The following SYCP2L variants were observed in gnomAD, a reference collection of about 807,000 sequenced individuals.
SYCP2L encodes synaptonemal complex protein 2-like.
SYCP2L carries 98 observed loss-of-function variants against 125.8 expected under a neutral mutation model. That is an observed-to-expected ratio of 0.78 (90% confidence interval 0.66 to 0.92). SYCP2L has a LOEUF of 0.92. SYCP2L is among the 40% of genes least tolerant of loss of function. The pLI, the probability that SYCP2L is intolerant of heterozygous loss-of-function variation, is 0.00. For synonymous variants in SYCP2L, 317 were observed against 325.4 expected, an observed-to-expected ratio of 0.97 and a Z score of 0.28; for missense variants, 842 against 936.4, an observed-to-expected ratio of 0.90 and a Z score of 1.32.
intron 19 of SYCP2L, among the ~76,000 whole-genome samples, 179 bp downstream of exon 19, chr6:10,930,693 A>G (rs543293577): frequency 6.6e-6 from 1 of 152,380 alleles, no homozygotes; most frequent in East Asian, 1.9e-4. Context: ...ACAGAAGAAC[A>G]TGAAATTAAC....
chr6:10,958,400 A>G (rs1375955375), intron 25 of SYCP2L, among the ~76,000 whole-genome samples: 1 of 152,042 alleles, frequency 6.6e-6, no homozygotes, highest in Non-Finnish European at 1.5e-5. Flanking sequence ...CACACTTTCA[A>G]ACAGCCAGGT....
chr6:10,963,882 C>T (rs952857916), intron 29 of SYCP2L, 39 bp downstream of exon 29: 27 of 1,526,986 alleles, frequency 1.8e-5, no homozygotes, highest in Middle Eastern at 1.7e-4. Flanking sequence ...GGATGTGAAT[C>T]GGGGTCAGGG....
intron 29 of SYCP2L, among the ~76,000 whole-genome samples, chr6:10,971,473 A>AG (rs1781772074): frequency 1.3e-5 from 2 of 150,178 alleles, no homozygotes; most frequent in Non-Finnish European, 3.0e-5. Context: ...AAAAAAAAAA[A>AG]AAGAAAGAAA....
intron 23 of SYCP2L, among the ~76,000 whole-genome samples, chr6:10,943,119 A>G (rs1781252880): frequency 6.6e-6 from 1 of 152,138 alleles, no homozygotes; most frequent in Non-Finnish European, 1.5e-5. Context: ...GGTTTATAAG[A>G]AATGTTCTAA....
intron 7 of SYCP2L, 51 bp from the exon 8 acceptor site, chr6:10,902,824 T>C: frequency 1.2e-6 from 2 of 1,610,882 alleles, no homozygotes; most frequent in Non-Finnish European, 1.7e-6. Flanking sequence ...AGATCGTACA[T>C]AGGTCTCTGT....
At chr6:10,941,638 G>C (rs890019217) in intron 21 of SYCP2L, among the ~76,000 whole-genome samples, 2 of 152,190 alleles carry the variant, frequency 1.3e-5, no homozygotes, top group African/African-American at 4.8e-5. Flanking sequence ...TCATTAAAAA[G>C]TCAGGAAACA....
At chr6:10,913,722 T>C (rs1016161685) in intron 14 of SYCP2L, among the ~76,000 whole-genome samples, 10 of 152,228 alleles carry the variant, frequency 6.6e-5, no homozygotes, top group African/African-American at 2.4e-4. Flanking sequence ...TTTAGTTTAA[T>C]TAAGTCCCAG....
intron 23 of SYCP2L, among the ~76,000 whole-genome samples, chr6:10,946,666 C>T (rs1781318815): frequency 6.6e-6 from 1 of 151,952 alleles, no homozygotes; most frequent in Non-Finnish European, 1.5e-5. Flanking sequence ...TTTTTGTTTT[C>T]TATTCTTCCT....
At chr6:10,937,526 A>G (rs1781121471) in intron 21 of SYCP2L, among the ~76,000 whole-genome samples, 1 of 152,178 alleles carries the variant, frequency 6.6e-6, no homozygotes, top group African/African-American at 2.4e-5. Context: ...AAACTGAAAA[A>G]AGAAGAAACT....
chr6:10,927,199 G>C, intron 16 of SYCP2L, 41 bp from the exon 17 acceptor site: 6 of 1,611,102 alleles, frequency 3.7e-6, no homozygotes, highest in Non-Finnish European at 5.1e-6. Context: ...ATGTCAGCGT[G>C]TGCACGGTTA....
intron 23 of SYCP2L, among the ~76,000 whole-genome samples, chr6:10,953,145 A>G (rs1781441288): frequency 6.6e-6 from 1 of 152,130 alleles, no homozygotes; most frequent in Non-Finnish European, 1.5e-5. Context: ...TATTATTACT[A>G]GTTTAATCCT....
rs377168477 is a variant in SYCP2L, at chr6:10,963,701, A to G, written c.2415-81A>G. The G allele has an allele frequency of 4.4e-6, 6 of 1,373,374 alleles. No homozygotes were observed. The African/African-American group carries it at 5.7e-5, about 13-fold the overall frequency. The allele number at this position is 1,373,374 out of a possible 1,614,324, so 85.1% of individuals were successfully genotyped here. On this transcript the variant is annotated intron_variant, in intron 28 of 29. Coordinates refer to ENST00000283141, the MANE Select transcript of SYCP2L (RefSeq NM_001040274.3). ...TAATGGTCTGTGAAATAACTCTGAT[A>G]TGCAGATGTATCTAGATGTATGTTC... is the stretch of plus-strand genomic sequence containing the variant.
Position 10,912,593 on chromosome 6 carries a change from A to G in SYCP2L, c.919-80A>G, listed in dbSNP as rs1175186064. 18 of 1,044,398 alleles carry G rather than the reference A, an allele frequency of 1.7e-5. No homozygotes were observed. Among genetic ancestry groups the G allele is most frequent in the African/African-American group, 1.6e-4 (10 of 62,970 alleles). 64.7% of individuals were successfully genotyped at this position (1,044,398 alleles called of 1,614,324 possible). A position where few individuals can be genotyped will look rare whatever the true frequency, so the allele number is the denominator to read the frequency against. On this transcript the variant is annotated intron_variant, in intron 12 of 29. Transcript: ENST00000283141. This position sits in a 1 kb window ranked among gnomAD's most constrained non-coding sequence, Gnocchi z 4.1. ...CTGTTCCAGGAAGAGCACAAATTCT[A>G]TTTTCAAGGGAATAATGTTTATCTG...
At position 10,889,813 on chromosome 6, in the gene SYCP2L, T is replaced by C. The variant is rs1426131704; in HGVS notation, c.10-1700T>C. Among the ~76,000 whole-genome samples, 6 of 151,914 alleles carry C rather than the reference T, an allele frequency of 3.9e-5. No individual in the cohort carries two copies. The East Asian group carries it at 1.2e-3, about 29-fold the overall frequency. On this transcript the variant is annotated intron_variant, in intron 1 of 29. Transcript: ENST00000283141. The stretch of plus-strand genomic sequence containing the variant: ...TTTTCTATTTTTAGTAGAGACAGGG[T>C]TTTGTCATGTTGGCCAGGCTGGTCT...
intron 14 of SYCP2L, among the ~76,000 whole-genome samples, chr6:10,923,495 C>T (rs1275344910): frequency 2.0e-5 from 3 of 147,324 alleles, no homozygotes; most frequent in Admixed American, 7.0e-5. Flanking sequence ...AAGCAATTCT[C>T]CTGCCTCAGC....
At position 10,894,216 on chromosome 6, in the gene SYCP2L, A is replaced by G. The variant is rs1391639167; in HGVS notation, c.336+12A>G. On this transcript the variant is annotated intron_variant, in intron 4 of 29. Coordinates refer to ENST00000283141, the MANE Select transcript of SYCP2L (RefSeq NM_001040274.3). ...GACTGATCCCAAAGATAAGTGTCCT[A>G]TTTTAATTTTATATGGCTTTGGGTA... 3.7e-6 allele frequency: 6 copies of G among 1,610,480 alleles called. No individual in the cohort carries two copies. The Admixed American group carries it at 6.8e-5, about 18-fold the overall frequency.
At chr6:10,888,919 T>A (rs1780128786) in intron 1 of SYCP2L, among the ~76,000 whole-genome samples, 1 of 152,208 alleles carries the variant, frequency 6.6e-6, no homozygotes, top group Admixed American at 6.5e-5. Flanking sequence ...TGGAGCGCAG[T>A]GGCTGGATCT....
At chr6:10,962,307 C>CAA (rs59874459) in intron 28 of SYCP2L, among the ~76,000 whole-genome samples, 57 of 148,564 alleles carry the variant, frequency 3.8e-4, no homozygotes, top group African/African-American at 1.1e-3. Flanking sequence ...TATTCCAAAG[C>CAA]AAAAAAAAAA....
intron 21 of SYCP2L, among the ~76,000 whole-genome samples, chr6:10,939,026 G>A (rs960975861): frequency 1.6e-4 from 24 of 151,918 alleles, no homozygotes; most frequent in African/African-American, 4.1e-4. Context: ...AGGCTGACGC[G>A]GGAGAATTGC....
Sources: gnomAD v4.1 joint callset for allele counts (sites outside exome capture counted in the v4.1 genomes callset) on GRCh38, gnomAD v4.1.1 for gene constraint, Gnocchi (gnomAD v3.1) non-coding constraint, MANE v1.5 for transcripts, NCBI Gene and HGNC (gene_info 2026-07-23, HGNC 2026-07-21) for gene names.